OVCH1: variants seen among roughly 807,000 people sequenced by gnomAD.
OVCH1 encodes ovochymase-1.
A neutral mutation model predicts 138.4 loss-of-function variants in OVCH1; 139 were observed. That is an observed-to-expected ratio of 1.00 (90% CI 0.87 to 1.16). The LOEUF is 1.16. OVCH1 is among the 50% of genes most tolerant of loss of function. The pLI is 0.00. For missense variants in OVCH1, 1,367 were observed against 1,357.9 expected (o/e 1.01, Z -0.11); for synonymous variants, 453 against 467.8 (o/e 0.97, Z 0.41).
At chr12:29,444,227 A>G (rs1941558377) in exon 24 of OVCH1, 1 of 1,612,476 alleles carries the variant, frequency 6.2e-7, no homozygotes, top group South Asian at 1.1e-5. Flanking sequence ...CAAGGGACCA[A>G]GTGCTCTCTG....
chr12:29,472,930 T>G (rs1281985401), intron 15 of OVCH1, 99 bp downstream of exon 15: 1 of 1,006,388 alleles, frequency 9.9e-7, no homozygotes, highest in Non-Finnish European at 1.5e-6. Context: ...TTCTTCACTG[T>G]GGAGTTATAG....
At chr12:29,475,305 T>C in intron 13 of OVCH1, 116 bp from the exon 14 acceptor site, 1 of 753,130 alleles carries the variant, frequency 1.3e-6, no homozygotes, top group Non-Finnish European at 2.0e-6. Flanking sequence ...CAACTTTGAT[T>C]TGTATGCACC....
At chr12:29,449,286 C>CACAA (rs1238050217) in intron 22 of OVCH1, among the ~76,000 whole-genome samples, 15 of 129,812 alleles carry the variant, frequency 1.2e-4, no homozygotes, top group Non-Finnish European at 1.8e-4. Context: ...TACACACACA[C>CACAA]ACACACACAC....
chr12:29,465,188 CAAT>C (rs1942273954), exon 17 of OVCH1: 2 of 1,604,960 alleles, frequency 1.2e-6, no homozygotes, highest in African/African-American at 2.7e-5. Context: ...TGGTCCCCAG[CAAT>C]AATAGTCCAG....
intron 9 of OVCH1, among the ~76,000 whole-genome samples, chr12:29,477,845 T>C (rs1298430658): frequency 6.6e-6 from 1 of 152,210 alleles, no homozygotes; most frequent in African/African-American, 2.4e-5. Flanking sequence ...TACCTCAAAC[T>C]ACAAATTTAT....
intron 8 of OVCH1, among the ~76,000 whole-genome samples, chr12:29,480,367 C>T (rs1190071346): frequency 6.6e-6 from 1 of 152,158 alleles, no homozygotes; most frequent in Non-Finnish European, 1.5e-5. Context: ...ATAAGTGGAA[C>T]TGTAGTTTAG....
intron 8 of OVCH1, 29 bp downstream of exon 8, chr12:29,486,221 C>T: frequency 1.3e-6 from 2 of 1,577,226 alleles, no homozygotes; most frequent in South Asian, 2.2e-5. Flanking sequence ...TTCAAGTCAG[C>T]TTCCTTCTCT....
chr12:29,450,231 C>T (rs1941745523), intron 22 of OVCH1, among the ~76,000 whole-genome samples: 1 of 152,094 alleles, frequency 6.6e-6, no homozygotes, highest in African/African-American at 2.4e-5. Context: ...AACAGGCAAC[C>T]TACAGAATGG....
intron 6 of OVCH1, among the ~76,000 whole-genome samples, chr12:29,489,197 T>A (rs1237199586): frequency 1.3e-5 from 2 of 152,226 alleles, no homozygotes; most frequent in Admixed American, 6.5e-5. Context: ...CAATATCTCT[T>A]ACACAACAGT....
At chr12:29,405,868 T>C in the OVCH1 span, among the ~76,000 whole-genome samples, 1 of 152,186 alleles carries the variant, frequency 6.6e-6, no homozygotes, top group African/African-American at 2.4e-5. Context: ...TGTTTAGAGG[T>C]TGACAATGGA....
At chr12:29,417,234 C>T (rs1015751568) in intron 3 of OVCH1, among the ~76,000 whole-genome samples, 11 of 151,918 alleles carry the variant, frequency 7.2e-5, no homozygotes, top group African/African-American at 1.9e-4. Context: ...GGGTGGATCA[C>T]CTGAGGTCAG....
intron 7 of OVCH1, chr12:29,487,094 G>C (rs1015183302): frequency 9.4e-6 from 3 of 317,832 alleles, no homozygotes; most frequent in African/African-American, 6.6e-5. Flanking sequence ...AGGATGGAGA[G>C]AGCACTATGT....
At chr12:29,464,607 C>G (rs1170850585) in exon 18 of OVCH1, 1 of 1,613,562 alleles carries the variant, frequency 6.2e-7, no homozygotes, top group Non-Finnish European at 8.5e-7. Context: ...CCGAGTTGTA[C>G]TCCAGAGGAG....
chr12:29,446,684 C>T (rs573116418), intron 22 of OVCH1, among the ~76,000 whole-genome samples: 2 of 152,082 alleles, frequency 1.3e-5, no homozygotes, highest in South Asian at 4.2e-4. Context: ...GAAAATGTGT[C>T]TCTCTGTATA....
At chr12:29,491,834 G>A (rs1346320086) in intron 4 of OVCH1, among the ~76,000 whole-genome samples, 1 of 152,110 alleles carries the variant, frequency 6.6e-6, no homozygotes, top group Non-Finnish European at 1.5e-5. Flanking sequence ...TACCAAAAAT[G>A]GAATGTTCTT....
chr12:29,496,314 G>A (rs1431074335), intron 2 of OVCH1, 36 bp from the exon 3 acceptor site: 1 of 1,488,754 alleles, frequency 6.7e-7, no homozygotes, highest in East Asian at 2.4e-5. Context: ...CAGCTAATAT[G>A]TCTCCCCACA....
downstream of OVCH1, among the ~76,000 whole-genome samples, chr12:29,407,568 G>A (rs71438675): frequency 1.4e-4 from 21 of 148,060 alleles, no homozygotes; most frequent in African/African-American, 3.9e-4. Context: ...TAGGGAATCC[G>A]TTCCCCATTG....
chr12:29,494,900 C>A (rs2136097912), intron 4 of OVCH1, among the ~76,000 whole-genome samples: 1 of 152,078 alleles, frequency 6.6e-6, no homozygotes, highest in Non-Finnish European at 1.5e-5. Flanking sequence ...TTTGATAGAT[C>A]AGAGAAATAA....
chr12:29,464,740 A>C lies in OVCH1; in HGVS notation c.1930-38T>G. ...CAAGTAAGCAAATTACAACGTAAGA[A>C]AGTCAAAGAATCCAGCAACTTCCTT... On this transcript the variant is annotated intron_variant, in intron 17 of 27. Coordinates refer to ENST00000318184, the Ensembl canonical transcript of OVCH1. The C allele has an allele frequency of 1.9e-6, 3 of 1,559,954 alleles. 1 individual carries two copies. The highest frequency in any genetic ancestry group is 8.7e-7 in the Non-Finnish European group (1 of 1,144,750).
Sources: allele counts gnomAD v4.1 joint callset (sites outside exome capture counted in the v4.1 genomes callset), GRCh38; gene constraint gnomAD v4.1.1; transcripts MANE v1.5; gene names NCBI Gene and HGNC (gene_info 2026-07-23, HGNC 2026-07-21).